OSBPL3: variants seen among roughly 807,000 people sequenced by gnomAD.
The protein encoded by OSBPL3 is oxysterol binding protein like 3, also known as oxysterol-binding protein-related protein 3.
In OSBPL3, 65 loss-of-function variants were observed where a neutral mutation model predicts 120.1. The ratio of observed to expected loss-of-function variants is 0.54; its 90% CI spans 0.44 to 0.67. The LOEUF is 0.67. Ranked by LOEUF, OSBPL3 falls within the 30% of genes least tolerant of loss-of-function variation. OSBPL3 has a pLI of 0.00. For synonymous variants in OSBPL3, 416 were observed against 402.6 expected (o/e 1.03, Z -0.40); for missense variants, 1,004 against 1,082.1 (o/e 0.93, Z 1.01).
intron 1 of OSBPL3, among the ~76,000 whole-genome samples, chr7:24,954,236 T>G (rs910614557): frequency 6.6e-6 from 1 of 152,204 alleles, no homozygotes; most frequent in Non-Finnish European, 1.5e-5. Flanking sequence ...ATTTTTTTTC[T>G]TTTTGCATAT....
chr7:24,935,060 A>T (rs1347666180), intron 1 of OSBPL3, among the ~76,000 whole-genome samples: 1 of 152,206 alleles, frequency 6.6e-6, no homozygotes, highest in Non-Finnish European at 1.5e-5. Flanking sequence ...TAGTAAAGAA[A>T]GGAAAACATC....
At chr7:24,801,352 A>C (rs527319381) in intron 22 of OSBPL3, among the ~76,000 whole-genome samples, 31 of 152,234 alleles carry the variant, frequency 2.0e-4, no homozygotes, top group African/African-American at 7.0e-4. Flanking sequence ...CCAAATTCAA[A>C]GGGCGCAAAA....
At chr7:24,945,009 C>G (rs756316873) in intron 1 of OSBPL3, among the ~76,000 whole-genome samples, 1 of 152,076 alleles carries the variant, frequency 6.6e-6, no homozygotes, top group African/African-American at 2.4e-5. Flanking sequence ...AAACCAAAAC[C>G]GCCACTGCCA....
At chr7:24,979,369 C>T (rs1197662531) in intron 1 of OSBPL3, among the ~76,000 whole-genome samples, 1 of 152,110 alleles carries the variant, frequency 6.6e-6, no homozygotes, top group Non-Finnish European at 1.5e-5. Flanking sequence ...CCCTGGGCCT[C>T]CAGCCCAGCA....
chr7:24,890,742 T>TA (rs1393863769), intron 2 of OSBPL3, among the ~76,000 whole-genome samples: 1 of 152,182 alleles, frequency 6.6e-6, no homozygotes, highest in African/African-American at 2.4e-5. Flanking sequence ...ACCCTAAATA[T>TA]AAAAGATGAC....
chr7:24,805,241 G>T lies in OSBPL3; in HGVS notation c.2445-804C>A, dbSNP rs1056655528. 5.3e-5 allele frequency among the ~76,000 whole-genome samples: 8 copies of T among 152,118 alleles called. No homozygotes were observed. The highest frequency in any genetic ancestry group is 1.9e-4 in the African/African-American group (8 of 41,410). The stretch of plus-strand genomic sequence containing the variant: ...CCCTTTTCTCCCATAACCTCAAAGT[G>T]TATAAAACTTCTGAATTTTTGCCAA... On this transcript the variant is annotated intron_variant, in intron 21 of 22. Coordinates refer to ENST00000313367, the MANE Select transcript of OSBPL3 (RefSeq NM_015550.4). The surrounding 1 kb of genome is among the most constrained non-coding windows in gnomAD (Gnocchi z 4.0).
At chr7:24,809,784 G>A in intron 20 of OSBPL3, 23 bp downstream of exon 20, 2 of 1,613,130 alleles carry the variant, frequency 1.2e-6, no homozygotes, top group Non-Finnish European at 1.7e-6. Flanking sequence ...CACAGCCTGG[G>A]GTCCACAAAC....
chr7:24,833,942 A>AC lies in OSBPL3; in HGVS notation c.1746+543_1746+544insG. 1 of 230,332 alleles carries AC rather than the reference A, an allele frequency of 4.3e-6. No individual in the cohort carries two copies. Among genetic ancestry groups the AC allele is most frequent in the East Asian group, 1.8e-4 (1 of 5,482 alleles). The allele number at this position is 230,332 out of a possible 1,614,324, so 14.3% of individuals were successfully genotyped here. A position where few individuals can be genotyped will look rare whatever the true frequency, so the allele number is the denominator to read the frequency against. On this transcript the variant is annotated intron_variant, in intron 15 of 22. Transcript: ENST00000313367. The surrounding 1 kb of genome is among the most constrained non-coding windows in gnomAD (Gnocchi z 4.4). ...AGAAGGCTTTTCTACGATTTTTTTTAAGTACTCTATAAAATAAGAGGGAGA... is the reference window on the plus strand; with the variant it reads ...AGAAGGCTTTTCTACGATTTTTTTTACAGTACTCTATAAAATAAGAGGGAGA...
chr7:24,864,458 A>C (rs1364510589), intron 7 of OSBPL3, among the ~76,000 whole-genome samples: 1 of 152,168 alleles, frequency 6.6e-6, no homozygotes, highest in African/African-American at 2.4e-5. Flanking sequence ...TCCAGAGACA[A>C]GGCTTCAGGG....
rs918791834 is a variant in OSBPL3 at position 24,953,175 on chromosome 7, T to A, written c.-150+26711A>T. ...AATACATACTCTGGGCTTTTGCTAA[T>A]AATACTATCTTAAAAGATTAAAGCC... On this transcript the variant is annotated intron_variant, in intron 1 of 22. Transcript: ENST00000313367. This position sits in a 1 kb window ranked among gnomAD's most constrained non-coding sequence, Gnocchi z 4.3. Among the ~76,000 whole-genome samples, 1 of 152,206 alleles carries A rather than the reference T, an allele frequency of 6.6e-6. No individual in the cohort carries two copies. Among genetic ancestry groups the A allele is most frequent in the African/African-American group, 2.4e-5 (1 of 41,464 alleles).
At chr7:24,865,093 G>A (rs1239443799) in intron 7 of OSBPL3, among the ~76,000 whole-genome samples, 1 of 152,138 alleles carries the variant, frequency 6.6e-6, no homozygotes, top group African/African-American at 2.4e-5. Flanking sequence ...TGGAAATCAG[G>A]CATCAGTATC....
chr7:24,901,938 C>G (rs1807088547), intron 1 of OSBPL3, among the ~76,000 whole-genome samples: 1 of 152,152 alleles, frequency 6.6e-6, no homozygotes, highest in African/African-American at 2.4e-5. Context: ...AATAACCAAC[C>G]CACTGTACGA....
chr7:24,831,789 T>C lies in OSBPL3; in HGVS notation c.1747-884A>G, dbSNP rs979234115. On this transcript the variant is annotated intron_variant, in intron 15 of 22. Coordinates refer to ENST00000313367, the MANE Select transcript of OSBPL3 (RefSeq NM_015550.4). The surrounding 1 kb of genome is among the most constrained non-coding windows in gnomAD (Gnocchi z 4.0). ...ATACTGAAGAAGAGCTGAGTGCCTT[T>C]CATAAATGCCCACTAGTCACATAAC... 9.2e-5 allele frequency among the ~76,000 whole-genome samples: 14 copies of C among 152,204 alleles called. No homozygotes were observed. The highest frequency in any genetic ancestry group is 6.5e-5 in the Admixed American group (1 of 15,282).
At chr7:24,928,482 T>C (rs999280461) in intron 1 of OSBPL3, among the ~76,000 whole-genome samples, 18 of 152,222 alleles carry the variant, frequency 1.2e-4, no homozygotes, top group Non-Finnish European at 1.6e-4. Flanking sequence ...TCAGCCACCG[T>C]GCCCGGCCAC....
intron 19 of OSBPL3, 158 bp from the exon 20 acceptor site, chr7:24,810,109 T>TA: frequency 1.5e-6 from 1 of 668,706 alleles, no homozygotes; most frequent in Non-Finnish European, 2.6e-6. Context: ...AACCGACAAA[T>TA]AAAAAATTTA....
Position 24,939,737 on chromosome 7 carries a change from G to A in OSBPL3, c.-150+40149C>T, listed in dbSNP as rs978646737. ...CATTAACAGGCCAAAATGTCATCAAGAGGCCTTGGGAGACAGTGAAGATTT... is the reference window on the plus strand; with the variant it reads ...CATTAACAGGCCAAAATGTCATCAAAAGGCCTTGGGAGACAGTGAAGATTT... On this transcript the variant is annotated intron_variant, in intron 1 of 22. Transcript: ENST00000313367. This position sits in a 1 kb window ranked among gnomAD's most constrained non-coding sequence, Gnocchi z 4.2. 6.6e-6 allele frequency among the ~76,000 whole-genome samples: 1 copy of A among 152,098 alleles called. No individual in the cohort carries two copies. The highest frequency in any genetic ancestry group is 2.4e-5 in the African/African-American group (1 of 41,416).
intron 12 of OSBPL3, among the ~76,000 whole-genome samples, chr7:24,847,059 C>CAAAAA (rs10712873): frequency 3.8e-5 from 4 of 106,242 alleles, no homozygotes; most frequent in African/African-American, 7.3e-5. Context: ...GACTCTGTCT[C>CAAAAA]AAAAAAAAAA....
chr7:24,892,270 T>C, intron 2 of OSBPL3, 107 bp downstream of exon 2: 1 of 1,076,658 alleles, frequency 9.3e-7, no homozygotes, highest in African/African-American at 1.6e-5. Context: ...CAAAAGTAAA[T>C]GCTCTTAAAC....
Position 24,822,232 on chromosome 7 carries a change from C to A in OSBPL3, c.1885-1994G>T, listed in dbSNP as rs1004335618. The stretch of plus-strand genomic sequence containing the variant: ...ACCTTATATTAAAAAATGCTACATT[C>A]TTCTCCTTTTCTTCACTAGCTGTCT... On this transcript the variant is annotated intron_variant, in intron 16 of 22. Coordinates refer to ENST00000313367, the MANE Select transcript of OSBPL3 (RefSeq NM_015550.4). The surrounding 1 kb of genome is among the most constrained non-coding windows in gnomAD (Gnocchi z 5.8). 1.3e-5 allele frequency among the ~76,000 whole-genome samples: 2 copies of A among 152,180 alleles called. No individual in the cohort carries two copies. The highest frequency in any genetic ancestry group is 1.3e-4 in the Admixed American group (2 of 15,274).
Sources: gnomAD v4.1 joint callset for allele counts (sites outside exome capture counted in the v4.1 genomes callset) on GRCh38, gnomAD v4.1.1 for gene constraint, Gnocchi (gnomAD v3.1) non-coding constraint, MANE v1.5 for transcripts, NCBI Gene and HGNC (gene_info 2026-07-23, HGNC 2026-07-21) for gene names.